The following CFDP1 variants were observed in gnomAD, a reference collection of about 807,000 sequenced individuals.
The protein encoded by CFDP1 is chromatin remodeling protein CFDP1, also known as heterochromatin-stabilizing protein CFDP1.
Under a neutral mutation model 40.1 loss-of-function variants are expected in CFDP1, and 31 were observed. The observed-to-expected ratio is 0.77, with a 90% CI of 0.58 to 1.04. The LOEUF (loss-of-function observed/expected upper bound fraction) is 1.04. Ranked by LOEUF, CFDP1 falls within the 50% of genes least tolerant of loss-of-function variation. The probability of loss-of-function intolerance (pLI) is 0.00; values close to 1 mark genes in which losing one functional copy is unlikely to be tolerated. For synonymous variants in CFDP1, 167 were observed against 120.0 expected (o/e 1.39, Z -2.56); for missense variants, 423 against 343.4 (o/e 1.23, Z -1.83).
At chr16:75,333,344 C>T (rs868001719) in intron 5 of CFDP1, among the ~76,000 whole-genome samples, 7 of 151,022 alleles carry the variant, frequency 4.6e-5, no homozygotes, top group African/African-American at 1.2e-4. Context: ...AGGATGGTCT[C>T]GATCTCCTCA....
intron 4 of CFDP1, among the ~76,000 whole-genome samples, chr16:75,401,172 T>A (rs2079049117): frequency 6.6e-6 from 1 of 152,158 alleles, no homozygotes; most frequent in Non-Finnish European, 1.5e-5. Flanking sequence ...CTCACGCATG[T>A]AATCCCAGCA....
chr16:75,328,653 T>C (rs1484710782), intron 5 of CFDP1, among the ~76,000 whole-genome samples: 1 of 139,922 alleles, frequency 7.1e-6, no homozygotes, highest in Non-Finnish European at 1.6e-5. Context: ...TAAATACTGA[T>C]AAATAAAGAA....
chr16:75,336,538 A>G (rs560591540), intron 5 of CFDP1, among the ~76,000 whole-genome samples: 2 of 152,380 alleles, frequency 1.3e-5, no homozygotes, highest in South Asian at 4.1e-4. Context: ...AACAATGCAT[A>G]TACCCCTCTT....
chr16:75,315,715 G>A (rs1472548349), intron 5 of CFDP1, among the ~76,000 whole-genome samples: 2 of 152,170 alleles, frequency 1.3e-5, no homozygotes, highest in Middle Eastern at 3.4e-3. Flanking sequence ...TTTTGTGGCC[G>A]TGTGGAGCCA....
chr16:75,418,780 A>G (rs991684519), intron 1 of CFDP1, among the ~76,000 whole-genome samples: 3 of 151,708 alleles, frequency 2.0e-5, no homozygotes, highest in African/African-American at 4.8e-5. Context: ...CAAAGAAAGC[A>G]CAAGGTAAAA....
chr16:75,412,250 C>T (rs1204110321), intron 3 of CFDP1, among the ~76,000 whole-genome samples: 1 of 152,144 alleles, frequency 6.6e-6, no homozygotes, highest in African/African-American at 2.4e-5. Flanking sequence ...AACTCCTGAC[C>T]TCAAATGATC....
At chr16:75,316,013 T>C (rs1228394262) in intron 5 of CFDP1, among the ~76,000 whole-genome samples, 2 of 152,240 alleles carry the variant, frequency 1.3e-5, no homozygotes, top group Admixed American at 1.3e-4. Context: ...CAGTGTCTTG[T>C]TAATTTTTAA....
At chr16:75,348,223 T>G (rs1395564946) in intron 5 of CFDP1, among the ~76,000 whole-genome samples, 1 of 152,186 alleles carries the variant, frequency 6.6e-6, no homozygotes, top group Non-Finnish European at 1.5e-5. Context: ...TTCAAACTTC[T>G]GGCCTCAAGC....
intron 5 of CFDP1, among the ~76,000 whole-genome samples, chr16:75,388,888 C>G (rs1456023118): frequency 6.6e-6 from 1 of 150,718 alleles, no homozygotes; most frequent in Non-Finnish European, 1.5e-5. Flanking sequence ...CTGACATCAC[C>G]TATGATGTTG....
At chr16:75,397,040 A>T (rs933054862) in intron 4 of CFDP1, among the ~76,000 whole-genome samples, 3 of 151,888 alleles carry the variant, frequency 2.0e-5, no homozygotes, top group African/African-American at 4.8e-5. Context: ...CAGCCTCCCA[A>T]GCAGCTGGGA....
chr16:75,308,997 G>C, intron 5 of CFDP1, among the ~76,000 whole-genome samples: 1 of 152,212 alleles, frequency 6.6e-6, no homozygotes, highest in East Asian at 1.9e-4. Context: ...TTAACAAGGT[G>C]TAAGATGTCC....
At chr16:75,350,648 G>C (rs1047469433) in intron 5 of CFDP1, among the ~76,000 whole-genome samples, 2 of 152,082 alleles carry the variant, frequency 1.3e-5, no homozygotes, top group Non-Finnish European at 2.9e-5. Context: ...ACTATTCATT[G>C]CAAGACTCTG....
intron 1 of CFDP1, among the ~76,000 whole-genome samples, chr16:75,420,111 C>CAAAAA (rs10706144): frequency 3.2e-5 from 2 of 62,620 alleles, no homozygotes; most frequent in Admixed American, 2.1e-4. Flanking sequence ...ACCTTCATCT[C>CAAAAA]AAAAAAAAAA....
chr16:75,424,378 A>G (rs530297971), intron 1 of CFDP1, among the ~76,000 whole-genome samples: 5 of 152,310 alleles, frequency 3.3e-5, no homozygotes, highest in African/African-American at 9.6e-5. Flanking sequence ...CGGCAGGCAG[A>G]CAGACACACA....
At chr16:75,330,004 G>A (rs1193731794) in intron 5 of CFDP1, among the ~76,000 whole-genome samples, 1 of 152,100 alleles carries the variant, frequency 6.6e-6, no homozygotes, top group Admixed American at 6.5e-5. Flanking sequence ...TAAGAACCAC[G>A]TGCTTTAGAA....
chr16:75,317,049 A>G (rs1469935650), intron 5 of CFDP1, among the ~76,000 whole-genome samples: 1 of 152,230 alleles, frequency 6.6e-6, no homozygotes, highest in Non-Finnish European at 1.5e-5. Context: ...AACTAGAGAA[A>G]AGGCAAAAGG....
chr16:75,335,099 T>A (rs1034595988), intron 5 of CFDP1, among the ~76,000 whole-genome samples: 7 of 152,222 alleles, frequency 4.6e-5, no homozygotes, highest in South Asian at 4.1e-4. Flanking sequence ...TCATGTGGGT[T>A]ACAGTCCACG....
At chr16:75,314,835 G>A (rs1326619891) in intron 5 of CFDP1, among the ~76,000 whole-genome samples, 1 of 152,008 alleles carries the variant, frequency 6.6e-6, no homozygotes. Flanking sequence ...CACTGCCAAC[G>A]CTGCCTCCTG....
intron 5 of CFDP1, among the ~76,000 whole-genome samples, chr16:75,322,631 C>A (rs1483458661): frequency 2.0e-5 from 3 of 152,060 alleles, no homozygotes; most frequent in Non-Finnish European, 2.9e-5. Flanking sequence ...GCATCCTAAA[C>A]CCAAAAATCT....
Sources: allele counts gnomAD v4.1 joint callset (sites outside exome capture counted in the v4.1 genomes callset), GRCh38; gene constraint gnomAD v4.1.1; transcripts MANE v1.5; gene names NCBI Gene and HGNC (gene_info 2026-07-23, HGNC 2026-07-21).